FARS2: variants seen among roughly 807,000 people sequenced by gnomAD.
FARS2 encodes phenylalanyl-tRNA synthetase 2, mitochondrial.
In FARS2, 40 loss-of-function variants were observed where a neutral mutation model predicts 46.4. The ratio of observed to expected loss-of-function variants is 0.86; its 90% CI spans 0.67 to 1.12. FARS2 has a LOEUF of 1.12. FARS2 is among the 50% of genes most tolerant of loss of function. FARS2 has a pLI of 0.00. For missense variants in FARS2, 513 were observed against 567.9 expected (o/e 0.90, Z 0.98); for synonymous variants, 234 against 214.9 (o/e 1.09, Z -0.78).
At chr6:5,750,954 C>T (rs1019996226) in intron 6 of FARS2, among the ~76,000 whole-genome samples, 1 of 152,114 alleles carries the variant, frequency 6.6e-6, no homozygotes, top group African/African-American at 2.4e-5. Flanking sequence ...TTGACTCAAC[C>T]TAGAACTTGA....
At chr6:5,410,460 C>T (rs962426087) in intron 3 of FARS2, among the ~76,000 whole-genome samples, 1 of 152,150 alleles carries the variant, frequency 6.6e-6, no homozygotes, top group Non-Finnish European at 1.5e-5. Context: ...CTGCACCTGG[C>T]CGCGTTGTTC....
At chr6:5,680,451 T>C (rs1230969098) in intron 6 of FARS2, among the ~76,000 whole-genome samples, 1 of 152,166 alleles carries the variant, frequency 6.6e-6, no homozygotes, top group Admixed American at 6.5e-5. Flanking sequence ...CAGGTGAACA[T>C]AGGGAAAACG....
At chr6:5,473,798 G>A (rs1301225772) in intron 4 of FARS2, among the ~76,000 whole-genome samples, 1 of 152,162 alleles carries the variant, frequency 6.6e-6, no homozygotes, top group African/African-American at 2.4e-5. Flanking sequence ...TGTTTGTGAT[G>A]TAGGCAGCGG....
chr6:5,257,499 T>G (rs550896946), upstream of FARS2, among the ~76,000 whole-genome samples: 6 of 152,330 alleles, frequency 3.9e-5, no homozygotes, highest in African/African-American at 1.4e-4. Context: ...AATCTCATCT[T>G]TCTCTCTCCA....
At chr6:5,495,095 C>T (rs1307367921) in intron 4 of FARS2, among the ~76,000 whole-genome samples, 1 of 152,360 alleles carries the variant, frequency 6.6e-6, no homozygotes, top group East Asian at 1.9e-4. Context: ...CCCTCCTTCC[C>T]TCTCATTGCC....
chr6:5,418,073 C>T (rs1762341667), intron 3 of FARS2, among the ~76,000 whole-genome samples: 1 of 152,000 alleles, frequency 6.6e-6, no homozygotes, highest in Admixed American at 6.6e-5. Context: ...TAATATCATC[C>T]CTGTTTCTAC....
intron 1 of FARS2, among the ~76,000 whole-genome samples, chr6:5,284,115 C>T (rs955373713): frequency 1.2e-4 from 18 of 152,186 alleles, no homozygotes; most frequent in African/African-American, 4.3e-4. Context: ...ATCTAATTGT[C>T]ATTTCAATTT....
chr6:5,744,998 ACT>A (rs1761556043), intron 6 of FARS2, among the ~76,000 whole-genome samples: 1 of 152,086 alleles, frequency 6.6e-6, no homozygotes, highest in Non-Finnish European at 1.5e-5. Context: ...AGCATTTGAC[ACT>A]CTTTAGGAAA....
At chr6:5,340,971 C>G (rs113011448) in intron 1 of FARS2, among the ~76,000 whole-genome samples, 1 of 151,308 alleles carries the variant, frequency 6.6e-6, no homozygotes, top group South Asian at 2.1e-4. Flanking sequence ...CATGATGAAA[C>G]CCCGTCTCTG....
intron 5 of FARS2, 51 bp downstream of exon 5, chr6:5,545,391 G>T: frequency 7.5e-7 from 1 of 1,334,496 alleles, no homozygotes; most frequent in Non-Finnish European, 1.1e-6. Flanking sequence ...TGGCTGTCAA[G>T]GATCGACAGG....
chr6:5,364,075 T>C (rs1398306369), intron 1 of FARS2, among the ~76,000 whole-genome samples: 2 of 152,214 alleles, frequency 1.3e-5, no homozygotes, highest in African/African-American at 2.4e-5. Context: ...AAAAATCCAT[T>C]CTGAGTTCTC....
intron 5 of FARS2, among the ~76,000 whole-genome samples, chr6:5,584,064 C>T (rs1330923645): frequency 2.0e-5 from 3 of 151,298 alleles, no homozygotes; most frequent in Non-Finnish European, 2.9e-5. Flanking sequence ...CAGTTTCTCC[C>T]CTTAGCTAGC....
upstream of FARS2, among the ~76,000 whole-genome samples, chr6:5,257,769 C>G (rs538144134): frequency 1.3e-5 from 2 of 152,318 alleles, no homozygotes; most frequent in African/African-American, 4.8e-5. Flanking sequence ...AAACCATCCC[C>G]TCCCTTGACC....
At chr6:5,746,495 T>C in intron 6 of FARS2, among the ~76,000 whole-genome samples, 1 of 152,068 alleles carries the variant, frequency 6.6e-6, no homozygotes, top group Non-Finnish European at 1.5e-5. Context: ...CCAAGCAGGG[T>C]GACAGGGTGC....
At chr6:5,518,298 T>C (rs1287603846) in intron 4 of FARS2, among the ~76,000 whole-genome samples, 2 of 152,252 alleles carry the variant, frequency 1.3e-5, no homozygotes, top group South Asian at 2.1e-4. Flanking sequence ...AGGTGGGCAG[T>C]TGTGTCACAA....
At chr6:5,346,978 A>G (rs1757279578) in intron 1 of FARS2, among the ~76,000 whole-genome samples, 3 of 151,108 alleles carry the variant, frequency 2.0e-5, no homozygotes, top group Admixed American at 6.6e-5. Context: ...CAGTGTTACA[A>G]TCTTGGCACA....
At chr6:5,481,396 G>A (rs1317736914) in intron 4 of FARS2, among the ~76,000 whole-genome samples, 1 of 152,214 alleles carries the variant, frequency 6.6e-6, no homozygotes, top group Non-Finnish European at 1.5e-5. Flanking sequence ...TGAAGACATG[G>A]GGCACATTGC....
At chr6:5,272,991 C>A (rs1766071070) in intron 1 of FARS2, among the ~76,000 whole-genome samples, 1 of 149,486 alleles carries the variant, frequency 6.7e-6, no homozygotes, top group East Asian at 1.9e-4. Context: ...GAACTTCATT[C>A]TTTTCTATAG....
intron 4 of FARS2, among the ~76,000 whole-genome samples, chr6:5,494,027 T>C (rs886539110): frequency 2.0e-5 from 3 of 152,134 alleles, no homozygotes; most frequent in Non-Finnish European, 4.4e-5. Context: ...TTATTGGAGT[T>C]CCTGTCAGAA....
Sources: gnomAD v4.1 joint callset for allele counts (sites outside exome capture counted in the v4.1 genomes callset) on GRCh38, gnomAD v4.1.1 for gene constraint, MANE v1.5 for transcripts, NCBI Gene and HGNC (gene_info 2026-07-23, HGNC 2026-07-21) for gene names.